SNX10: variants seen among roughly 807,000 people sequenced by gnomAD.
The protein encoded by SNX10 is sorting nexin 10, also known as sorting nexin-10.
Under a neutral mutation model 28.5 loss-of-function variants are expected in SNX10, and 25 were observed. That is an observed-to-expected ratio of 0.88 (90% confidence interval 0.64 to 1.22). The LOEUF is 1.22. Ranked by LOEUF, SNX10 falls within the 50% of genes most tolerant of loss-of-function variation. SNX10 has a pLI of 0.00. For missense variants in SNX10, 223 were observed against 242.6 expected (o/e 0.92, Z 0.54); for synonymous variants, 62 against 81.4 (o/e 0.76, Z 1.28).
intron 1 of SNX10, among the ~76,000 whole-genome samples, chr7:26,293,377 A>AT (rs1262584694): frequency 6.6e-6 from 1 of 151,374 alleles, no homozygotes; most frequent in Non-Finnish European, 1.5e-5. Context: ...TAACTTCGGT[A>AT]TTTTTTTTGT....
chr7:26,372,600 G>A lies in SNX10; in HGVS notation c.*28G>A. On this transcript the variant is annotated 3_prime_UTR_variant, in exon 7 of 7. Coordinates refer to ENST00000338523, the MANE Select transcript of SNX10 (RefSeq NM_013322.3). Reference sequence around the variant, plus strand: ...AATAATTCTAATGTTACTATCTTAGGAATAGCAAATTATGTCCAGTCATAG... The same window carrying A: ...AATAATTCTAATGTTACTATCTTAGAAATAGCAAATTATGTCCAGTCATAG... The A allele has an allele frequency of 7.6e-7, 1 of 1,309,552 alleles. No homozygotes were observed. The highest frequency in any genetic ancestry group is 1.1e-6 in the Non-Finnish European group (1 of 903,010). 81.1% of individuals were successfully genotyped at this position (1,309,552 alleles called of 1,614,324 possible).
intron 1 of SNX10, among the ~76,000 whole-genome samples, chr7:26,310,305 G>C (rs1786777179): frequency 6.6e-6 from 1 of 152,188 alleles, no homozygotes; most frequent in South Asian, 2.1e-4. Flanking sequence ...TTAATATACT[G>C]CATATTTTCT....
intron 1 of SNX10, among the ~76,000 whole-genome samples, chr7:26,335,856 G>C (rs972329747): frequency 1.4e-5 from 2 of 141,404 alleles, no homozygotes; most frequent in African/African-American, 5.3e-5. Context: ...CCATTCTCCT[G>C]CCTCAGCCTC....
At chr7:26,370,643 C>T (rs558660220) in intron 5 of SNX10, 2 of 152,092 alleles carry the variant, frequency 1.3e-5, no homozygotes, top group East Asian at 3.9e-4. Flanking sequence ...ATTATAATGA[C>T]CTTGGATTTT....
At chr7:26,320,836 T>G (rs1787283183) in intron 1 of SNX10, among the ~76,000 whole-genome samples, 1 of 152,234 alleles carries the variant, frequency 6.6e-6, no homozygotes, top group South Asian at 2.1e-4. Flanking sequence ...TTGTGCAGCA[T>G]GGACATCTCT....
intron 2 of SNX10, among the ~76,000 whole-genome samples, chr7:26,358,810 T>G (rs1306613370): frequency 6.9e-6 from 1 of 145,346 alleles, no homozygotes; most frequent in African/African-American, 2.6e-5. Context: ...CTTGTGTTTT[T>G]TTTTTTTTTT....
At position 26,346,426 on chromosome 7, in the gene SNX10, C is replaced by T. The variant is rs111653022; in HGVS notation, c.-17C>T. The T allele has an allele frequency of 4.8e-3, 7,706 of 1,604,110 alleles. 44 individuals carry two copies. The highest frequency in any genetic ancestry group is 0.033 in the Middle Eastern group (197 of 6,034). On this transcript the variant is annotated 5_prime_UTR_variant, in exon 2 of 7. Transcript: ENST00000338523. ...TGGATATCTTATTTTTCAGATTGAT[C>T]GTGTCCTGTGCTGAAGATGTTTCCG...
rs370848315 is a variant in SNX10, at chr7:26,365,096, C to A, written c.262C>A (p.Arg88Ser). The change falls in exon 5 of 7, where the codon CGC becomes AGC. Residue 88 changes from arginine (R) to serine (S), a missense_variant. Coordinates refer to ENST00000338523, the MANE Select transcript of SNX10 (RefSeq NM_013322.3). The stretch of plus-strand genomic sequence containing the variant: ...AAACCTGTTTTTCAACATGAACAAT[C>A]GCCAGCACGTGGATCAGCGTCGCCA... ...SKNLFFNMNNRQHVDQRRQGL... is the reference protein window; with the variant it reads ...SKNLFFNMNNSQHVDQRRQGL... The A allele has an allele frequency of 9.3e-6, 15 of 1,613,294 alleles. No individual in the cohort carries two copies. The African/African-American group carries it at 1.6e-4, about 17-fold the overall frequency.
Position 26,301,057 on chromosome 7 carries a change from CAGTTT to C in SNX10, c.-24+8976_-24+8980del, listed in dbSNP as rs1179812697. 3.5e-5 allele frequency among the ~76,000 whole-genome samples: 5 copies of C among 143,872 alleles called. No individual in the cohort carries two copies. In the East Asian group the frequency reaches 1.1e-3, roughly 31 times the overall value. 94.4% of individuals were successfully genotyped at this position (143,872 alleles called of 152,430 possible). On this transcript the variant is annotated intron_variant, in intron 1 of 6. Transcript: ENST00000338523. Reference sequence around the variant, plus strand: ...AAAAAAAAAAAAAGCCATCATCTCTCAGTTTAGTTGTGTTTTCTGAGTATAGCTTA... The same window carrying C: ...AAAAAAAAAAAAAGCCATCATCTCTCAGTTGTGTTTTCTGAGTATAGCTTA...
At chr7:26,315,271 C>G (rs796303514) in intron 1 of SNX10, among the ~76,000 whole-genome samples, 3 of 152,050 alleles carry the variant, frequency 2.0e-5, no homozygotes, top group Non-Finnish European at 4.4e-5. Flanking sequence ...ACTATAATGC[C>G]ATTATCATAT....
chr7:26,357,987 G>A (rs749732783), intron 2 of SNX10, among the ~76,000 whole-genome samples: 1 of 152,104 alleles, frequency 6.6e-6, no homozygotes, highest in Non-Finnish European at 1.5e-5. Flanking sequence ...TTTGGATGAG[G>A]TCACCCTAGA....
chr7:26,298,828 T>C (rs10273832), intron 1 of SNX10, among the ~76,000 whole-genome samples: 3,364 of 152,324 alleles, frequency 0.022, 104 homozygotes, highest in East Asian at 0.083. Flanking sequence ...GCCTTCGTGC[T>C]GCGTCCTCAC....
rs548212456 is a variant in SNX10 at position 26,309,672 on chromosome 7, A to AAG, written c.-24+17586_-24+17587insAG. Among the ~76,000 whole-genome samples the AAG allele has an allele frequency of 4.0e-3, 604 of 152,156 alleles. 1 individual carries two copies. The highest frequency in any genetic ancestry group is 8.3e-3 in the South Asian group (40 of 4,820). ...CCCTAAAGCATTTGAGCCGTTAGTA[A>AAG]CTCACTTTGGGTTGGTATTTTTCAC... On this transcript the variant is annotated intron_variant, in intron 1 of 6. Transcript: ENST00000338523.
At chr7:26,328,471 A>C (rs938054134) in intron 1 of SNX10, among the ~76,000 whole-genome samples, 1 of 152,168 alleles carries the variant, frequency 6.6e-6, no homozygotes, top group Non-Finnish European at 1.5e-5. Flanking sequence ...TCACCCTCAA[A>C]GGCAGTTCTG....
intron 1 of SNX10, among the ~76,000 whole-genome samples, chr7:26,309,529 T>C (rs1303800598): frequency 6.6e-6 from 1 of 152,180 alleles, no homozygotes; most frequent in African/African-American, 2.4e-5. Flanking sequence ...GTGAATGCAC[T>C]GCACTTTTCT....
At chr7:26,347,998 T>A (rs1788455977) in intron 2 of SNX10, among the ~76,000 whole-genome samples, 1 of 152,196 alleles carries the variant, frequency 6.6e-6, no homozygotes, top group Non-Finnish European at 1.5e-5. Context: ...TAGATTGGTC[T>A]CGAACTTCTG....
intron 1 of SNX10, among the ~76,000 whole-genome samples, chr7:26,339,009 G>A (rs903876086): frequency 6.6e-6 from 1 of 152,318 alleles, no homozygotes; most frequent in East Asian, 1.9e-4. Flanking sequence ...AGACTACATG[G>A]CCCCTAAATT....
At chr7:26,335,735 C>CTTTTTTTTTTGTTTTT (rs1787904232) in intron 1 of SNX10, among the ~76,000 whole-genome samples, 1 of 84,254 alleles carries the variant, frequency 1.2e-5, no homozygotes, top group Non-Finnish European at 2.3e-5. Flanking sequence ...ATGGAATATT[C>CTTTTTTTTTTGTTTTT]TTTTTTTTTT....
chr7:26,321,636 C>T (rs1787311343), intron 1 of SNX10, among the ~76,000 whole-genome samples: 2 of 152,184 alleles, frequency 1.3e-5, no homozygotes, highest in Admixed American at 6.5e-5. Flanking sequence ...TGACAGCTTC[C>T]CAAGGTTTTG....
Sources: gnomAD v4.1 joint callset for allele counts (sites outside exome capture counted in the v4.1 genomes callset) on GRCh38, gnomAD v4.1.1 for gene constraint, MANE v1.5 for transcripts, NCBI Gene and HGNC (gene_info 2026-07-23, HGNC 2026-07-21) for gene names.